The following LRRC4C variants were observed in gnomAD, a reference collection of about 807,000 sequenced individuals.
LRRC4C encodes the protein leucine-rich repeat-containing protein 4C.
Under a neutral mutation model 33.6 loss-of-function variants are expected in LRRC4C, and 5 were observed. That is an observed-to-expected ratio of 0.15 (90% CI 0.08 to 0.31). LRRC4C has a LOEUF of 0.31. LRRC4C is among the 10% of genes least tolerant of loss of function. The probability of loss-of-function intolerance (pLI) is 1.00; values close to 1 mark genes in which losing one functional copy is unlikely to be tolerated. For synonymous variants in LRRC4C, 329 were observed against 302.0 expected (o/e 1.09, Z -0.93); for missense variants, 560 against 796.7 (o/e 0.70, Z 3.58).
chr11:40,485,888 C>G (rs1953836702), intron 3 of LRRC4C, among the ~76,000 whole-genome samples: 1 of 151,924 alleles, frequency 6.6e-6, no homozygotes, highest in Non-Finnish European at 1.5e-5. Context: ...CAAACTAACA[C>G]AGGAACAGAA....
intron 3 of LRRC4C, among the ~76,000 whole-genome samples, chr11:40,457,127 C>T (rs78102212): frequency 7.5e-6 from 1 of 133,380 alleles, no homozygotes; most frequent in South Asian, 2.3e-4. Context: ...AAAAAAAAAA[C>T]AGTTACTTGA....
chr11:40,683,994 T>C (rs1436287736), intron 2 of LRRC4C, among the ~76,000 whole-genome samples: 1 of 152,176 alleles, frequency 6.6e-6, no homozygotes, highest in Non-Finnish European at 1.5e-5. Flanking sequence ...ACAACTCTTA[T>C]AAACATTGGC....
At chr11:40,151,556 C>T (rs1012149355) in intron 5 of LRRC4C, among the ~76,000 whole-genome samples, 4 of 152,096 alleles carry the variant, frequency 2.6e-5, no homozygotes, top group South Asian at 2.1e-4. Flanking sequence ...CTTGCTAGTA[C>T]GAAATTCTGA....
At chr11:40,863,637 T>C (rs1954210758) in intron 2 of LRRC4C, among the ~76,000 whole-genome samples, 1 of 152,144 alleles carries the variant, frequency 6.6e-6, no homozygotes, top group Non-Finnish European at 1.5e-5. Flanking sequence ...GTGAGCCATA[T>C]TTCTTTTCAA....
chr11:40,961,118 C>T (rs1850947571), intron 1 of LRRC4C, among the ~76,000 whole-genome samples: 1 of 151,634 alleles, frequency 6.6e-6, no homozygotes, highest in African/African-American at 2.4e-5. Flanking sequence ...TTAAGATGAA[C>T]AGGAAATTTG....
chr11:41,024,370 G>T (rs1320242885), intron 1 of LRRC4C, among the ~76,000 whole-genome samples: 1 of 151,674 alleles, frequency 6.6e-6, no homozygotes, highest in East Asian at 1.9e-4. Context: ...TGGAATCTTG[G>T]TGTTCATACT....
intron 2 of LRRC4C, among the ~76,000 whole-genome samples, chr11:40,887,728 A>T (rs1392111327): frequency 6.6e-6 from 1 of 152,020 alleles, no homozygotes; most frequent in Admixed American, 6.6e-5. Flanking sequence ...TATTTTCTAG[A>T]TGCAAAGCAT....
intron 3 of LRRC4C, among the ~76,000 whole-genome samples, chr11:40,343,031 TA>T (rs376802808): frequency 1.3e-5 from 2 of 148,982 alleles, no homozygotes; most frequent in Non-Finnish European, 2.9e-5. Flanking sequence ...TTTATATATA[TA>T]TTTTTTGCCT....
intron 1 of LRRC4C, among the ~76,000 whole-genome samples, chr11:41,252,532 T>A (rs1948673410): frequency 6.6e-6 from 1 of 152,104 alleles, no homozygotes; most frequent in Non-Finnish European, 1.5e-5. Flanking sequence ...AAGAAGAACA[T>A]TAAAGTCTTC....
At chr11:41,110,719 G>T (rs542534190) in intron 1 of LRRC4C, among the ~76,000 whole-genome samples, 102 of 151,984 alleles carry the variant, frequency 6.7e-4, no homozygotes, top group Middle Eastern at 6.8e-3. Flanking sequence ...ATCTCTTCTT[G>T]ACTCTTCAGT....
At chr11:40,675,656 A>G (rs1437686184) in intron 2 of LRRC4C, among the ~76,000 whole-genome samples, 2 of 152,172 alleles carry the variant, frequency 1.3e-5, no homozygotes, top group African/African-American at 2.4e-5. Context: ...TCACCACTTT[A>G]TCTTCAATAC....
chr11:41,405,605 T>C (rs1033700813), intron 1 of LRRC4C, among the ~76,000 whole-genome samples: 7 of 152,140 alleles, frequency 4.6e-5, no homozygotes, highest in Non-Finnish European at 1.0e-4. Flanking sequence ...TACTTTCTTC[T>C]GATCAAAAAC....
intron 3 of LRRC4C, among the ~76,000 whole-genome samples, chr11:40,397,206 T>A (rs114822889): frequency 0.016 from 2,471 of 152,212 alleles, 54 homozygotes; most frequent in African/African-American, 0.056. Context: ...ATAGATATAA[T>A]TTTAAAATAT....
At chr11:40,607,708 G>A (rs1265229337) in intron 3 of LRRC4C, among the ~76,000 whole-genome samples, 1 of 152,078 alleles carries the variant, frequency 6.6e-6, no homozygotes, top group Non-Finnish European at 1.5e-5. Context: ...CAGTACCCTA[G>A]GACAAAAACC....
intron 1 of LRRC4C, among the ~76,000 whole-genome samples, chr11:40,939,013 T>C (rs770888536): frequency 6.6e-6 from 1 of 152,080 alleles, no homozygotes; most frequent in Non-Finnish European, 1.5e-5. Context: ...TAAAATGTTA[T>C]AGAAATGTTT....
intron 3 of LRRC4C, among the ~76,000 whole-genome samples, chr11:40,537,034 C>T (rs1020765568): frequency 1.3e-5 from 2 of 152,084 alleles, no homozygotes; most frequent in Non-Finnish European, 2.9e-5. Context: ...TTAACAAATA[C>T]GTGTTTAATG....
intron 1 of LRRC4C, among the ~76,000 whole-genome samples, chr11:41,086,527 T>A (rs1940002249): frequency 6.6e-6 from 1 of 152,156 alleles, no homozygotes; most frequent in African/African-American, 2.4e-5. Context: ...GTTCCTTTCA[T>A]TTGAATTATA....
At chr11:41,053,673 A>G (rs181399588) in intron 1 of LRRC4C, among the ~76,000 whole-genome samples, 8 of 152,338 alleles carry the variant, frequency 5.3e-5, no homozygotes, top group Non-Finnish European at 1.2e-4. Flanking sequence ...GAGATCCCTG[A>G]AGACATTCTA....
Position 41,282,031 on chromosome 11 carries a change from G to C in LRRC4C, c.-496+177400C>G, listed in dbSNP as rs375314082. ...GGATGTGTGATGTGTGGGGTGGATG[G>C]AAGAGAGGTAGAAAGGTCACACAAA... is the stretch of plus-strand genomic sequence containing the variant. On this transcript the variant is annotated intron_variant, in intron 1 of 6. Coordinates refer to ENST00000528697, the MANE Select transcript of LRRC4C (RefSeq NM_001258419.2). Among the ~76,000 whole-genome samples, 8 of 152,330 alleles carry C rather than the reference G, an allele frequency of 5.3e-5. No homozygotes were observed. In the East Asian group the frequency reaches 1.4e-3, roughly 26 times the overall value.
Sources: gnomAD v4.1 joint callset for allele counts (sites outside exome capture counted in the v4.1 genomes callset) on GRCh38, gnomAD v4.1.1 for gene constraint, MANE v1.5 for transcripts, NCBI Gene and HGNC (gene_info 2026-07-23, HGNC 2026-07-21) for gene names.